The following INSL6 variants were observed in gnomAD, a reference collection of about 807,000 sequenced individuals.
INSL6 encodes the protein insulin-like peptide INSL6.
Under a neutral mutation model 9.4 loss-of-function variants are expected in INSL6, and 16 were observed. The ratio of observed to expected loss-of-function variants is 1.70; its 90% CI spans 1.15 to 2.59. The LOEUF (loss-of-function observed/expected upper bound fraction) is 2.59. Among genes scored for constraint, INSL6 ranks in the 30% most tolerant of loss-of-function variants. INSL6 has a pLI of 0.00. For synonymous variants in INSL6, 154 were observed against 96.9 expected (o/e 1.59, Z -3.46); for missense variants, 391 against 257.3 (o/e 1.52, Z -3.56).
At chr9:5,045,885 G>A in the INSL6 span, among the ~76,000 whole-genome samples, 2 of 152,116 alleles carry the variant, frequency 1.3e-5, no homozygotes, top group Non-Finnish European at 2.9e-5. Flanking sequence ...CCTGTTTTCA[G>A]TTCTTTTCAA....
At position 5,185,494 on chromosome 9, in the gene INSL6, A is replaced by C; in HGVS notation, c.109T>G (p.Leu37Val). Residue 37 changes from leucine (L) to valine (V), a missense_variant, in exon 1 of 2, where the codon TTG (leucine) becomes GTG (valine). Leu to Val is a conservative substitution (Grantham distance 32). Transcript: ENST00000381641. ...CAGAGTTTTTCTATTTCTTTCACCA[A>C]GTACCTGCCGCACAGCTTCCTGGCA... ...SSARKLCGRYLVKEIEKLCGH... is the reference protein window; with the variant it reads ...SSARKLCGRYVVKEIEKLCGH... The C allele has an allele frequency of 6.2e-7, 1 of 1,614,196 alleles. No homozygotes were observed. The highest frequency in any genetic ancestry group is 8.5e-7 in the Non-Finnish European group (1 of 1,180,032).
At chr9:5,116,945 A>G in the INSL6 span, among the ~76,000 whole-genome samples, 1 of 152,368 alleles carries the variant, frequency 6.6e-6, no homozygotes, top group Non-Finnish European at 1.5e-5. Flanking sequence ...AGATTTATGT[A>G]AGATAACTAA....
chr9:5,030,224 T>A, the INSL6 span, among the ~76,000 whole-genome samples: 1 of 152,200 alleles, frequency 6.6e-6, no homozygotes, highest in Non-Finnish European at 1.5e-5. Context: ...TATTGCTGGT[T>A]TGTGCAGCGT....
the INSL6 span, among the ~76,000 whole-genome samples, chr9:5,053,287 CTA>C: frequency 2.0e-5 from 3 of 151,932 alleles, no homozygotes; most frequent in Non-Finnish European, 4.4e-5. Flanking sequence ...AGAGAAGTGT[CTA>C]TTTGAATTCA....
rs186501820 is a variant in INSL6 at position 5,126,460 on chromosome 9, T to C, written c.*11-1949A>G. On this transcript the variant is annotated intron_variant, in intron 3 of 3. Transcript: ENST00000649639. ...TGCCCAGATGAGGTAACAATTTTTTTTTAATCCAGGGTAGTCATGCATTTT... is the reference window on the plus strand; with the variant it reads ...TGCCCAGATGAGGTAACAATTTTTTCTTAATCCAGGGTAGTCATGCATTTT... 1.3e-4 allele frequency: 200 copies of C among 1,538,930 alleles called. 1 individual carries two copies. In the African/African-American group the frequency reaches 2.2e-3, roughly 17 times the overall value.
the INSL6 span, chr9:5,100,059 T>A: frequency 6.6e-6 from 1 of 152,208 alleles, no homozygotes; most frequent in African/African-American, 2.4e-5. Context: ...TAGTCAGTCA[T>A]CTACTAATAC....
intron 2 of INSL6, among the ~76,000 whole-genome samples, chr9:5,154,147 A>C (rs1030117005): frequency 3.3e-5 from 5 of 152,214 alleles, no homozygotes; most frequent in Non-Finnish European, 7.3e-5. Context: ...GGAACAGAAC[A>C]GAAGCCTCAG....
the INSL6 span, among the ~76,000 whole-genome samples, chr9:5,039,696 G>T: frequency 4.6e-5 from 7 of 151,704 alleles, no homozygotes; most frequent in Non-Finnish European, 1.0e-4. Context: ...CAGAGACAAA[G>T]AACAATCCAA....
chr9:5,152,391 A>C (rs1824728876), intron 2 of INSL6, among the ~76,000 whole-genome samples: 1 of 152,234 alleles, frequency 6.6e-6, no homozygotes, highest in South Asian at 2.1e-4. Flanking sequence ...TTAGAAATTA[A>C]TATAAGAAAG....
intron 1 of INSL6, 141 bp from the exon 2 acceptor site, chr9:5,164,406 C>A: frequency 3.2e-6 from 2 of 621,606 alleles, no homozygotes; most frequent in East Asian, 5.6e-5. Context: ...TATGGTTATT[C>A]AAAAGCAATA....
the INSL6 span, among the ~76,000 whole-genome samples, chr9:5,068,407 T>G: frequency 6.6e-6 from 1 of 152,306 alleles, no homozygotes; most frequent in African/African-American, 2.4e-5. Flanking sequence ...GGTGGTGCAG[T>G]GGAATGGCTG....
At chr9:5,085,602 A>G in the INSL6 span, 1 of 698,102 alleles carries the variant, frequency 1.4e-6, no homozygotes, top group Non-Finnish European at 2.7e-6. Context: ...ATACTACAGA[A>G]AGAATTAAAT....
At chr9:5,076,691 C>G in the INSL6 span, among the ~76,000 whole-genome samples, 37,301 of 151,886 alleles carry the variant, frequency 0.25, 4,838 homozygotes, top group South Asian at 0.3. Context: ...ATTTTAGTGC[C>G]TCACAAAGTT....
At chr9:5,077,252 C>G in the INSL6 span, among the ~76,000 whole-genome samples, 147 of 150,348 alleles carry the variant, frequency 9.8e-4, no homozygotes, top group African/African-American at 3.4e-3. Context: ...ATTGTTTAGA[C>G]TCCTACTCTT....
chr9:4,997,470 A>C, the INSL6 span, among the ~76,000 whole-genome samples: 2 of 152,086 alleles, frequency 1.3e-5, no homozygotes, highest in African/African-American at 4.8e-5. Context: ...CACACTTTTA[A>C]ACAGCCAAAT....
the INSL6 span, chr9:5,089,912 A>C: frequency 1.6e-6 from 2 of 1,259,654 alleles, no homozygotes; most frequent in African/African-American, 3.1e-5. Flanking sequence ...TGTGTTTGGC[A>C]TCCTGTGTAA....
At chr9:5,086,953 T>A in the INSL6 span, among the ~76,000 whole-genome samples, 1 of 152,220 alleles carries the variant, frequency 6.6e-6, no homozygotes, top group Non-Finnish European at 1.5e-5. Context: ...ATTATCTGCT[T>A]CACTTTCCCT....
chr9:5,055,756 G>T, the INSL6 span: 1 of 1,610,846 alleles, frequency 6.2e-7, no homozygotes, highest in South Asian at 1.1e-5. Context: ...AAGCCGAGTT[G>T]TAACTATCCA....
chr9:5,100,880 C>T, the INSL6 span: 3 of 152,304 alleles, frequency 2.0e-5, no homozygotes, highest in Non-Finnish European at 2.9e-5. Flanking sequence ...ACATTTCTCA[C>T]TATCTGCTTC....
Sources: allele counts gnomAD v4.1 joint callset (sites outside exome capture counted in the v4.1 genomes callset), GRCh38; gene constraint gnomAD v4.1.1; transcripts MANE v1.5; gene names NCBI Gene and HGNC (gene_info 2026-07-23, HGNC 2026-07-21).